Variants in GPC5 observed in about 807,000 individuals in gnomAD.
The protein encoded by GPC5 is glypican 5, also known as glypican-5.
A neutral mutation model predicts 53.9 loss-of-function variants in GPC5; 47 were observed. The ratio of observed to expected loss-of-function variants is 0.87; its 90% CI spans 0.69 to 1.11. The LOEUF (loss-of-function observed/expected upper bound fraction) is 1.11. Ranked by LOEUF, GPC5 falls within the 50% of genes most tolerant of loss-of-function variation. GPC5 has a pLI of 0.00. For synonymous variants in GPC5, 286 were observed against 263.3 expected, an observed-to-expected ratio of 1.09 and a Z score of -0.84; for missense variants, 748 against 713.1, an observed-to-expected ratio of 1.05 and a Z score of -0.56.
intron 6 of GPC5, among the ~76,000 whole-genome samples, chr13:92,103,607 T>C (rs563821643): frequency 3.3e-5 from 5 of 152,168 alleles, no homozygotes; most frequent in Non-Finnish European, 7.3e-5. Flanking sequence ...CCCTAGAAAC[T>C]AGAGAAATTT....
chr13:92,168,979 CTA>C (rs776580225), intron 7 of GPC5, among the ~76,000 whole-genome samples: 8 of 152,210 alleles, frequency 5.3e-5, no homozygotes, highest in Non-Finnish European at 1.2e-4. Flanking sequence ...TACATATACA[CTA>C]TGGAATACTT....
chr13:92,019,267 A>AT (rs2040735661), intron 6 of GPC5, among the ~76,000 whole-genome samples: 2 of 30,836 alleles, frequency 6.5e-5, no homozygotes, highest in East Asian at 0.043. Context: ...TAAGTATATA[A>AT]GCATACTTAT....
chr13:91,721,890 A>G (rs1029717255), intron 3 of GPC5, among the ~76,000 whole-genome samples: 3 of 152,152 alleles, frequency 2.0e-5, no homozygotes, highest in Admixed American at 2.0e-4. Flanking sequence ...CCAATGATGC[A>G]TTCTTAACTA....
In GPC5 at chr13:91,576,569, G is replaced by T. The variant is rs185944407; in HGVS notation, c.326-116618G>T. Among the ~76,000 whole-genome samples, 96 of 152,260 alleles carry T rather than the reference G, an allele frequency of 6.3e-4. 1 individual carries two copies. Among genetic ancestry groups the T allele is most frequent in the African/African-American group, 2.1e-3 (86 of 41,562 alleles). On this transcript the variant is annotated intron_variant, in intron 2 of 7. Transcript: ENST00000377067. ...AGGAAACTTTTTAGTTTACAAAGGT[G>T]TTTGCCAAATTAGTGTAACCACAGG...
intron 7 of GPC5, among the ~76,000 whole-genome samples, chr13:92,595,366 T>C (rs957015934): frequency 3.3e-5 from 5 of 152,238 alleles, no homozygotes; most frequent in African/African-American, 9.6e-5. Flanking sequence ...CTATATGAGC[T>C]TATTATTGAT....
chr13:92,604,069 G>A (rs1328023802), intron 7 of GPC5, among the ~76,000 whole-genome samples: 1 of 152,140 alleles, frequency 6.6e-6, no homozygotes, highest in Non-Finnish European at 1.5e-5. Context: ...TCTACCTCAT[G>A]TAAGATACAT....
chr13:92,014,580 TG>T (rs929716939), intron 6 of GPC5, among the ~76,000 whole-genome samples: 3 of 152,176 alleles, frequency 2.0e-5, no homozygotes, highest in African/African-American at 7.2e-5. Flanking sequence ...TTTCTTTTTT[TG>T]GTGTTTAATA....
chr13:92,479,617 TTTC>T (rs1263863207), intron 7 of GPC5, among the ~76,000 whole-genome samples: 1 of 152,132 alleles, frequency 6.6e-6, no homozygotes, highest in African/African-American at 2.4e-5. Context: ...CCACCTCCAG[TTTC>T]TTCTTCTTTC....
intron 2 of GPC5, among the ~76,000 whole-genome samples, chr13:91,526,725 G>T (rs907941479): frequency 2.6e-5 from 4 of 152,112 alleles, no homozygotes; most frequent in Non-Finnish European, 5.9e-5. Flanking sequence ...ATAAAGAACT[G>T]CCTGAGACTG....
intron 6 of GPC5, among the ~76,000 whole-genome samples, chr13:91,922,888 C>CCAA (rs1555297171): frequency 6.6e-6 from 1 of 152,126 alleles, no homozygotes; most frequent in South Asian, 2.1e-4. Flanking sequence ...AGATCTTACT[C>CCAA]CTAAATGCTC....
intron 7 of GPC5, among the ~76,000 whole-genome samples, chr13:92,417,162 G>A (rs1001456059): frequency 6.6e-6 from 1 of 152,144 alleles, no homozygotes; most frequent in Non-Finnish European, 1.5e-5. Flanking sequence ...TAATTAAGTT[G>A]GGGACCATCT....
intron 7 of GPC5, among the ~76,000 whole-genome samples, chr13:92,572,478 G>T (rs533937636): frequency 3.9e-5 from 6 of 152,270 alleles, no homozygotes; most frequent in African/African-American, 1.4e-4. Flanking sequence ...CCGCTGTGGT[G>T]ACCCTGGCCT....
Position 91,630,844 on chromosome 13 carries a change from T to G in GPC5, c.326-62343T>G, listed in dbSNP as rs185060622. On this transcript the variant is annotated intron_variant, in intron 2 of 7. Transcript: ENST00000377067. ...AGAAGGTTTTTCTTTTGTTTTTTTGTTTTTTGTTTTTGTTTTTTTAAATGA... is the reference window on the plus strand; with the variant it reads ...AGAAGGTTTTTCTTTTGTTTTTTTGGTTTTTGTTTTTGTTTTTTTAAATGA... 8.5e-5 allele frequency among the ~76,000 whole-genome samples: 13 copies of G among 152,174 alleles called. No homozygotes were observed. The East Asian group carries it at 2.5e-3, about 29-fold the overall frequency.
chr13:92,760,747 A>G (rs1263310195), intron 7 of GPC5, among the ~76,000 whole-genome samples: 1 of 151,942 alleles, frequency 6.6e-6, no homozygotes, highest in African/African-American at 2.4e-5. Flanking sequence ...GTGTAATATT[A>G]AACTATTTAT....
chr13:92,161,029 G>A (rs73620885), intron 7 of GPC5, among the ~76,000 whole-genome samples: 7,618 of 110,378 alleles, frequency 0.069, 462 homozygotes, highest in African/African-American at 0.18. Context: ...TCTGTGGCTC[G>A]CTCAAAAGTG....
chr13:91,645,533 T>C (rs1259241285), intron 2 of GPC5, among the ~76,000 whole-genome samples: 1 of 152,208 alleles, frequency 6.6e-6, no homozygotes, highest in South Asian at 2.1e-4. Flanking sequence ...GTCCCTTTGT[T>C]ACTAGCTACT....
At chr13:92,129,255 C>G (rs2041724565) in intron 6 of GPC5, among the ~76,000 whole-genome samples, 1 of 152,180 alleles carries the variant, frequency 6.6e-6, no homozygotes, top group African/African-American at 2.4e-5. Context: ...TCAAAAGGAT[C>G]ATACTTCAGA....
intron 6 of GPC5, among the ~76,000 whole-genome samples, chr13:91,962,630 A>G (rs1398416402): frequency 6.6e-6 from 1 of 152,072 alleles, no homozygotes; most frequent in Non-Finnish European, 1.5e-5. Flanking sequence ...TTCCATTATG[A>G]CTCATCCATG....
chr13:92,415,652 T>C (rs2139355224), intron 7 of GPC5, among the ~76,000 whole-genome samples: 1 of 148,700 alleles, frequency 6.7e-6, no homozygotes, highest in Middle Eastern at 3.5e-3. Context: ...AGTCTGATGC[T>C]GAGAGGAAGG....
Sources: gnomAD v4.1 joint callset for allele counts (sites outside exome capture counted in the v4.1 genomes callset) on GRCh38, gnomAD v4.1.1 for gene constraint, MANE v1.5 for transcripts, NCBI Gene and HGNC (gene_info 2026-07-23, HGNC 2026-07-21) for gene names.